The following LIPK variants were observed in gnomAD, a reference collection of about 807,000 sequenced individuals.
The protein encoded by LIPK is lipase member K.
Under a neutral mutation model 48.6 loss-of-function variants are expected in LIPK, and 32 were observed. That is an observed-to-expected ratio of 0.66 (90% CI 0.50 to 0.88). The LOEUF (loss-of-function observed/expected upper bound fraction) is 0.88, where lower values mean the gene tolerates loss of function less well. LIPK is among the 40% of genes least tolerant of loss of function. LIPK has a pLI of 0.00. For synonymous variants in LIPK, 164 were observed against 157.4 expected (o/e 1.04, Z -0.32); for missense variants, 507 against 478.5 (o/e 1.06, Z -0.56).
chr10:88,739,427 G>T (rs565522148), intron 7 of LIPK, among the ~76,000 whole-genome samples: 1 of 152,136 alleles, frequency 6.6e-6, no homozygotes, highest in Non-Finnish European at 1.5e-5. Flanking sequence ...TCTTTGCCCC[G>T]TGGGATGCCC....
chr10:88,724,792 C>A (rs1005366037), intron 2 of LIPK, 144 bp downstream of exon 2: 2 of 619,320 alleles, frequency 3.2e-6, no homozygotes, highest in African/African-American at 3.8e-5. Context: ...CTTGATATGG[C>A]TAACTAATCC....
chr10:88,715,989 G>A (rs1842110108), intron 1 of LIPK, among the ~76,000 whole-genome samples: 1 of 151,954 alleles, frequency 6.6e-6, no homozygotes, highest in East Asian at 1.9e-4. Context: ...AACTAGTCTT[G>A]TATGAGTTAC....
chr10:88,728,702 T>C (rs1156410252), intron 3 of LIPK: 6 of 394,302 alleles, frequency 1.5e-5, no homozygotes, highest in African/African-American at 2.1e-5. Context: ...GGTGTATGCA[T>C]AGGAAGACAA....
chr10:88,732,018 T>G (rs1323220441), intron 4 of LIPK, among the ~76,000 whole-genome samples, 160 bp from the exon 5 acceptor site: 2 of 152,266 alleles, frequency 1.3e-5, no homozygotes, highest in East Asian at 1.9e-4. Context: ...GCAATCAAGG[T>G]GACACCCTTA....
At chr10:88,721,764 A>T (rs1842229723) in intron 1 of LIPK, among the ~76,000 whole-genome samples, 1 of 152,180 alleles carries the variant, frequency 6.6e-6, no homozygotes, top group Non-Finnish European at 1.5e-5. Context: ...TTTGATTCAG[A>T]GGCCTCAAAA....
At chr10:88,744,413 G>A (rs575660411) in intron 9 of LIPK, among the ~76,000 whole-genome samples, 1 of 152,320 alleles carries the variant, frequency 6.6e-6, no homozygotes, top group East Asian at 1.9e-4. Flanking sequence ...GTTGTTGCCA[G>A]TATATGAGGA....
At chr10:88,749,218 T>C (rs1265411213) in intron 9 of LIPK, among the ~76,000 whole-genome samples, 1 of 152,208 alleles carries the variant, frequency 6.6e-6, no homozygotes, top group Non-Finnish European at 1.5e-5. Context: ...GATTCAATGC[T>C]ACTCCTATCA....
At chr10:88,717,541 T>C (rs551113198) in intron 1 of LIPK, among the ~76,000 whole-genome samples, 12 of 152,354 alleles carry the variant, frequency 7.9e-5, no homozygotes, top group Middle Eastern at 3.4e-3. Context: ...ATAGGTCTTC[T>C]GTTTTTCGGA....
At position 88,743,270 on chromosome 10, in the gene LIPK, C is replaced by T. The variant is rs762749620; in HGVS notation, c.909C>T (p.Leu303=). The change falls in exon 9 of 10, where the codon CTC becomes CTT. Residue 303 remains leucine, a synonymous_variant. Transcript: ENST00000404190. The stretch of plus-strand genomic sequence containing the variant: ...TTTAGGCTGTTAATTCTGGTCAGCT[C>T]CAAGCTTTTGATTGGGGAAACTCTG... ...HWAQAVNSGQ[L]QAFDWGNSDQ... 6.3e-7 allele frequency: 1 copy of T among 1,590,746 alleles called. No individual in the cohort carries two copies. Among genetic ancestry groups the T allele is most frequent in the Non-Finnish European group, 8.6e-7 (1 of 1,166,500 alleles).
intron 7 of LIPK, 78 bp downstream of exon 7, chr10:88,737,859 G>A (rs978330351): frequency 3.4e-6 from 5 of 1,458,504 alleles, no homozygotes; most frequent in Non-Finnish European, 3.8e-6. Context: ...GGATTGTATG[G>A]CAACTGCAAT....
At chr10:88,709,667 C>T (rs1841993438) in intron 1 of LIPK, among the ~76,000 whole-genome samples, 1 of 151,716 alleles carries the variant, frequency 6.6e-6, no homozygotes, top group African/African-American at 2.4e-5. Flanking sequence ...AATTCGAAAC[C>T]GACTTGCAGA....
chr10:88,713,739 G>A (rs1842065419), intron 1 of LIPK, among the ~76,000 whole-genome samples: 1 of 152,000 alleles, frequency 6.6e-6, no homozygotes. Context: ...TCAGGTGTTT[G>A]AAACCAGCCT....
chr10:88,727,825 G>T, intron 3 of LIPK: 1 of 367,488 alleles, frequency 2.7e-6, no homozygotes, highest in South Asian at 2.5e-5. Flanking sequence ...TCAAGACCCT[G>T]AACAAGTTTG....
At chr10:88,719,765 T>C (rs1842186507) in intron 1 of LIPK, among the ~76,000 whole-genome samples, 1 of 152,116 alleles carries the variant, frequency 6.6e-6, no homozygotes, top group South Asian at 2.1e-4. Context: ...TTGCCATAAG[T>C]TGTTATTAAG....
At chr10:88,707,790 C>T (rs902626687) in intron 1 of LIPK, among the ~76,000 whole-genome samples, 2 of 152,118 alleles carry the variant, frequency 1.3e-5, no homozygotes, top group South Asian at 4.1e-4. Flanking sequence ...ATAGTCTCCT[C>T]AGTCTTCCTG....
intron 9 of LIPK, among the ~76,000 whole-genome samples, chr10:88,746,269 C>T (rs1375577792): frequency 2.0e-5 from 3 of 152,016 alleles, no homozygotes; most frequent in African/African-American, 4.8e-5. Flanking sequence ...GACACCTAAC[C>T]AAATAGACTG....
intron 9 of LIPK, among the ~76,000 whole-genome samples, chr10:88,743,896 T>C (rs538180539): frequency 2.0e-5 from 3 of 152,248 alleles, no homozygotes; most frequent in East Asian, 1.9e-4. Context: ...ACAACCCCCA[T>C]AGACATTTGA....
intron 9 of LIPK, among the ~76,000 whole-genome samples, chr10:88,749,775 A>ATTTCATGATAAAG (rs1842833098): frequency 2.2e-4 from 34 of 152,164 alleles, no homozygotes; most frequent in South Asian, 8.3e-4. Flanking sequence ...AGATGCCAAA[A>ATTTCATGATAAAG]GTAATTGCAA....
At chr10:88,745,971 G>T (rs1211492325) in intron 9 of LIPK, among the ~76,000 whole-genome samples, 3 of 152,148 alleles carry the variant, frequency 2.0e-5, no homozygotes, top group African/African-American at 7.2e-5. Flanking sequence ...AAGACCAGGG[G>T]TTGCTATTCT....
Sources: allele counts gnomAD v4.1 joint callset (sites outside exome capture counted in the v4.1 genomes callset), GRCh38; gene constraint gnomAD v4.1.1; transcripts MANE v1.5; gene names NCBI Gene and HGNC (gene_info 2026-07-23, HGNC 2026-07-21).